The following GALNT13 variants were observed in gnomAD, a reference collection of about 807,000 sequenced individuals.
The protein encoded by GALNT13 is polypeptide N-acetylgalactosaminyltransferase 13.
In GALNT13, 28 loss-of-function variants were observed where a neutral mutation model predicts 64.2. The ratio of observed to expected loss-of-function variants is 0.44; its 90% confidence interval spans 0.32 to 0.60. The LOEUF (loss-of-function observed/expected upper bound fraction) is 0.60. Ranked by LOEUF, GALNT13 falls within the 20% of genes least tolerant of loss-of-function variation. The pLI, the probability that GALNT13 is intolerant of heterozygous loss-of-function variation, is 0.05. For synonymous variants in GALNT13, 214 were observed against 224.6 expected (o/e 0.95, Z 0.42); for missense variants, 577 against 669.8 (o/e 0.86, Z 1.53).
chr2:153,497,522 A>ATTTTTTTTTTTTTTTT, the GALNT13 span, among the ~76,000 whole-genome samples: 11 of 36,896 alleles, frequency 3.0e-4, 4 homozygotes, highest in African/African-American at 6.7e-4. Flanking sequence ...TTTCTCCCGC[A>ATTTTTTTTTTTTTTTT]TTTTTTTTTT....
chr2:154,397,320 T>C (rs1699100674), intron 10 of GALNT13, among the ~76,000 whole-genome samples: 1 of 151,792 alleles, frequency 6.6e-6, no homozygotes, highest in South Asian at 2.1e-4. Context: ...GCACCTGTAG[T>C]CCCAGCTACT....
At position 154,344,418 on chromosome 2, in the gene GALNT13, A is replaced by C. The variant is rs534291710; in HGVS notation, c.1156+42829A>C. ...CAGAAAACAGCCCTGAGCTGACATC[A>C]ATGCTTTCACAAAGGAATAAAATAA... On this transcript the variant is annotated intron_variant, in intron 9 of 12. Transcript: ENST00000392825. Among the ~76,000 whole-genome samples, 168 of 152,178 alleles carry C rather than the reference A, an allele frequency of 1.1e-3. 1 individual carries two copies. Among genetic ancestry groups the C allele is most frequent in the South Asian group, 1.9e-3 (9 of 4,826 alleles).
the GALNT13 span, among the ~76,000 whole-genome samples, chr2:153,723,751 T>C: frequency 1.1e-4 from 17 of 151,694 alleles, no homozygotes; most frequent in African/African-American, 3.4e-4. Context: ...TTACAAGGGA[T>C]GTGAAGGACC....
chr2:154,298,681 C>T (rs191677209), intron 8 of GALNT13, among the ~76,000 whole-genome samples: 1,604 of 4,762 alleles, frequency 0.34, 389 homozygotes, highest in Non-Finnish European at 0.38. Context: ...ATTGTATATA[C>T]AATTTATATA....
chr2:153,600,915 AT>A, the GALNT13 span, among the ~76,000 whole-genome samples: 1 of 151,924 alleles, frequency 6.6e-6, no homozygotes, highest in Non-Finnish European at 1.5e-5. Flanking sequence ...ATCCTCCCTA[AT>A]TCAATCATTG....
chr2:153,454,863 A>T, the GALNT13 span, among the ~76,000 whole-genome samples: 8 of 152,378 alleles, frequency 5.3e-5, no homozygotes, highest in East Asian at 7.7e-4. Flanking sequence ...TAGTTATATA[A>T]ATCATTCATG....
chr2:153,481,789 T>G, the GALNT13 span, among the ~76,000 whole-genome samples: 1 of 152,216 alleles, frequency 6.6e-6, no homozygotes. Flanking sequence ...TGAATAGCCT[T>G]GAAGTAGGAC....
chr2:154,188,654 A>G (rs1311901305), intron 4 of GALNT13, among the ~76,000 whole-genome samples: 1 of 152,174 alleles, frequency 6.6e-6, no homozygotes, highest in Non-Finnish European at 1.5e-5. Flanking sequence ...TTCAAATTAG[A>G]TTGCTGAATA....
chr2:154,242,790 G>C lies in GALNT13; in HGVS notation c.571G>C (p.Ala191Pro). The change falls in exon 6 of 13, where the codon GCC becomes CCC. Residue 191 changes from alanine to proline, a missense_variant. Physicochemically the swap from Ala to Pro is conservative, Grantham distance 27. Coordinates refer to ENST00000392825, the MANE Select transcript of GALNT13 (RefSeq NM_052917.4). ...GGAAGAACGCTCTGGGTTAATACGT[G>C]CCCGTCTTCGAGGAGCAGCTGCTTC... is the stretch of plus-strand genomic sequence containing the variant. ...RMEERSGLIR[A>P]RLRGAAASKG... 6.2e-7 allele frequency: 1 copy of C among 1,614,074 alleles called. No homozygotes were observed. Among genetic ancestry groups the C allele is most frequent in the Non-Finnish European group, 8.5e-7 (1 of 1,179,914 alleles).
At chr2:153,553,650 A>G in the GALNT13 span, among the ~76,000 whole-genome samples, 6 of 152,322 alleles carry the variant, frequency 3.9e-5, no homozygotes, top group East Asian at 1.2e-3. Flanking sequence ...TAAAATTAAA[A>G]ACTGTGGGTT....
chr2:153,348,093 G>C, the GALNT13 span, among the ~76,000 whole-genome samples: 2 of 152,106 alleles, frequency 1.3e-5, no homozygotes, highest in African/African-American at 4.8e-5. Flanking sequence ...GGTGTCCTCT[G>C]TTTGGAGTGG....
chr2:153,317,156 A>G, the GALNT13 span, among the ~76,000 whole-genome samples: 15 of 152,188 alleles, frequency 9.9e-5, no homozygotes, highest in African/African-American at 3.1e-4. Context: ...CAAGTAGACA[A>G]ATACCTTAGA....
At chr2:154,384,019 T>C (rs1180777746) in intron 9 of GALNT13, among the ~76,000 whole-genome samples, 1 of 151,928 alleles carries the variant, frequency 6.6e-6, no homozygotes, top group Admixed American at 6.6e-5. Flanking sequence ...GGTACTGTTT[T>C]AGGAACTGAA....
chr2:153,840,588 C>G, the GALNT13 span, among the ~76,000 whole-genome samples: 1 of 152,008 alleles, frequency 6.6e-6, no homozygotes, highest in African/African-American at 2.4e-5. Context: ...ATGGCACATG[C>G]ATTTGGGTAA....
At chr2:153,098,888 T>C in the GALNT13 span, among the ~76,000 whole-genome samples, 2 of 152,172 alleles carry the variant, frequency 1.3e-5, no homozygotes, top group Non-Finnish European at 2.9e-5. Context: ...TTTTCACCAG[T>C]AGCCTGTGAG....
the GALNT13 span, among the ~76,000 whole-genome samples, chr2:153,661,719 T>C: frequency 2.6e-5 from 4 of 152,214 alleles, no homozygotes; most frequent in Non-Finnish European, 5.9e-5. Context: ...CTGTAACTTA[T>C]TTCTCCACAT....
At chr2:154,399,205 T>C (rs2551119) in intron 10 of GALNT13, among the ~76,000 whole-genome samples, 52,043 of 151,718 alleles carry the variant, frequency 0.34, 9,317 homozygotes, top group African/African-American at 0.45. Context: ...ATGGCTTGAG[T>C]CCAGGAGTTC....
chr2:153,984,073 CTTT>C (rs11356122), intron 3 of GALNT13, among the ~76,000 whole-genome samples: 1 of 150,828 alleles, frequency 6.6e-6, no homozygotes, highest in Non-Finnish European at 1.5e-5. Flanking sequence ...CCATTCAGTG[CTTT>C]TTTTTTTATT....
At chr2:153,127,051 T>G in the GALNT13 span, among the ~76,000 whole-genome samples, 1 of 152,166 alleles carries the variant, frequency 6.6e-6, no homozygotes, top group Non-Finnish European at 1.5e-5. Flanking sequence ...TAAAAGGATA[T>G]GCAATCTAAT....
Sources: allele counts gnomAD v4.1 joint callset (sites outside exome capture counted in the v4.1 genomes callset), GRCh38; gene constraint gnomAD v4.1.1; transcripts MANE v1.5; gene names NCBI Gene and HGNC (gene_info 2026-07-23, HGNC 2026-07-21).